FAM210A: variants seen among roughly 807,000 people sequenced by gnomAD.
FAM210A encodes family with sequence similarity 210 member A.
A neutral mutation model predicts 25.3 loss-of-function variants in FAM210A; 13 were observed. That is an observed-to-expected ratio of 0.51 (90% CI 0.33 to 0.82). The LOEUF (loss-of-function observed/expected upper bound fraction) is 0.82. Among genes scored for constraint, FAM210A ranks in the 40% least tolerant of loss-of-function variants. The pLI is 0.02. For synonymous variants in FAM210A, 125 were observed against 118.7 expected (o/e 1.05, Z -0.35); for missense variants, 319 against 323.2 (o/e 0.99, Z 0.10).
rs530128263 is a variant in FAM210A at position 13,694,084 on chromosome 18, G to C, written c.-28-11979C>G. ...CAAGCATTCCTATACACCAATAACA[G>C]ACAAACAGAATGCCAAATCATGAGT... is the stretch of plus-strand genomic sequence containing the variant. On this transcript the variant is annotated intron_variant, in intron 1 of 3. Transcript: ENST00000651643. 2.1e-4 allele frequency among the ~76,000 whole-genome samples: 32 copies of C among 152,286 alleles called. 1 individual carries two copies. The highest frequency in any genetic ancestry group is 1.2e-3 in the South Asian group (6 of 4,824).
chr18:13,702,945 C>T (rs2043752373), intron 1 of FAM210A, among the ~76,000 whole-genome samples: 1 of 151,990 alleles, frequency 6.6e-6, no homozygotes. Flanking sequence ...TTTAAAAGGA[C>T]TTTTTTAAAA....
intron 1 of FAM210A, among the ~76,000 whole-genome samples, chr18:13,695,613 G>C (rs555505652): frequency 7.9e-5 from 12 of 151,282 alleles, no homozygotes; most frequent in African/African-American, 2.9e-4. Context: ...CTATTGCAAG[G>C]ACAGAAAACC....
At position 13,685,000 on chromosome 18, in the gene FAM210A, G is replaced by A. The variant is rs2043584932; in HGVS notation, c.-28-2895C>T. Among the ~76,000 whole-genome samples the A allele has an allele frequency of 2.6e-5, 4 of 152,016 alleles. 1 individual carries two copies. The South Asian group carries it at 6.2e-4, about 24-fold the overall frequency. On this transcript the variant is annotated intron_variant, in intron 1 of 3. Coordinates refer to ENST00000651643, the MANE Select transcript of FAM210A (RefSeq NM_152352.4). ...CTAAAAAGAAATTTAAAAATATTTT[G>A]AAGTAATTGAAAAAAATACAACTTA...
At chr18:13,671,665 G>A (rs980020612) in intron 3 of FAM210A, among the ~76,000 whole-genome samples, 197 bp downstream of exon 3, 15 of 146,390 alleles carry the variant, frequency 1.0e-4, no homozygotes, top group African/African-American at 3.6e-4. Flanking sequence ...CTCCAGCCTG[G>A]CAAACAAGAG....
At chr18:13,706,300 T>C (rs1222479967) in intron 1 of FAM210A, among the ~76,000 whole-genome samples, 1 of 148,216 alleles carries the variant, frequency 6.7e-6, no homozygotes, top group East Asian at 2.0e-4. Context: ...GAGACTCTTA[T>C]CTTTAAATAC....
At chr18:13,680,572 C>T (rs2043544439) in intron 2 of FAM210A, among the ~76,000 whole-genome samples, 1 of 152,184 alleles carries the variant, frequency 6.6e-6, no homozygotes, top group Non-Finnish European at 1.5e-5. Context: ...GGAAGAGCTA[C>T]TTATAGCTTA....
rs189899328 is a variant in FAM210A, at chr18:13,673,952, C to G, written c.474-1979G>C. On this transcript the variant is annotated intron_variant, in intron 2 of 3. Transcript: ENST00000651643. ...TCCTGATTATTAACATTCCTGAGCC[C>G]CGACTTCTTTATTTCCAGTTTCCTG... 1.7e-3 allele frequency among the ~76,000 whole-genome samples: 126 copies of G among 76,304 alleles called. 26 individuals carry two copies. Among genetic ancestry groups the G allele is most frequent in the African/African-American group, 7.1e-3 (119 of 16,832 alleles). 50.1% of individuals were successfully genotyped at this position (76,304 alleles called of 152,430 possible). A position where few individuals can be genotyped will look rare whatever the true frequency, so the allele number is the denominator to read the frequency against.
At chr18:13,697,886 TAA>T (rs1363944036) in intron 1 of FAM210A, among the ~76,000 whole-genome samples, 23 of 152,158 alleles carry the variant, frequency 1.5e-4, no homozygotes, top group Non-Finnish European at 2.9e-5. Context: ...CATTATTCAG[TAA>T]TGTGCTATTA....
At position 13,678,588 on chromosome 18, in the gene FAM210A, C is replaced by A. The variant is rs1184382942; in HGVS notation, c.473+3017G>T. ...TACAGGCGTGAGCCACTGTGCCCGGCCCCACTTATTTCTAAACTGTTGATG... is the reference window on the plus strand; with the variant it reads ...TACAGGCGTGAGCCACTGTGCCCGGACCCACTTATTTCTAAACTGTTGATG... On this transcript the variant is annotated intron_variant, in intron 2 of 3. Coordinates refer to ENST00000651643, the MANE Select transcript of FAM210A (RefSeq NM_152352.4). 2.6e-5 allele frequency among the ~76,000 whole-genome samples: 4 copies of A among 152,220 alleles called. No individual in the cohort carries two copies. In the South Asian group the frequency reaches 6.2e-4, roughly 24 times the overall value.
intron 1 of FAM210A, among the ~76,000 whole-genome samples, chr18:13,684,646 C>T (rs1351634447): frequency 1.3e-5 from 2 of 152,148 alleles, no homozygotes; most frequent in Admixed American, 6.5e-5. Flanking sequence ...CCTTGATAAA[C>T]CCAGCAGGCA....
At chr18:13,715,838 T>C (rs2149070370) in intron 1 of FAM210A, among the ~76,000 whole-genome samples, 1 of 152,326 alleles carries the variant, frequency 6.6e-6, no homozygotes, top group South Asian at 2.1e-4. Flanking sequence ...GATCCTATAA[T>C]CCCCAACATA....
intron 1 of FAM210A, among the ~76,000 whole-genome samples, chr18:13,699,684 T>G (rs2043723079): frequency 6.6e-6 from 1 of 152,082 alleles, no homozygotes; most frequent in African/African-American, 2.4e-5. Context: ...CAGAAAGACC[T>G]GAGTGCTAAC....
chr18:13,688,568 C>T (rs1437824661), intron 1 of FAM210A, among the ~76,000 whole-genome samples: 1 of 152,256 alleles, frequency 6.6e-6, no homozygotes, highest in East Asian at 1.9e-4. Context: ...CTTCAATCGT[C>T]TGCATGACCT....
intron 1 of FAM210A, among the ~76,000 whole-genome samples, chr18:13,718,816 G>T (rs149970175): frequency 6.6e-6 from 1 of 152,016 alleles, no homozygotes; most frequent in African/African-American, 2.4e-5. Context: ...CAAGTAAATC[G>T]CAATAGAACC....
rs1205146249 is a variant in FAM210A, at chr18:13,663,631, C to T, written c.*2849G>A. 1.3e-5 allele frequency: 2 copies of T among 152,078 alleles called. No homozygotes were observed. Among genetic ancestry groups the T allele is most frequent in the African/African-American group, 4.8e-5 (2 of 41,378 alleles). The allele number at this position is 152,078 out of a possible 1,614,324, so 9.4% of individuals were successfully genotyped here. A position where few individuals can be genotyped will look rare whatever the true frequency, so the allele number is the denominator to read the frequency against. ...ATCTCAGTCCTAGCTCCCTCCCCACCCGGTCAACACACCTCGCATAAATGC... is the reference window on the plus strand; with the variant it reads ...ATCTCAGTCCTAGCTCCCTCCCCACTCGGTCAACACACCTCGCATAAATGC... On this transcript the variant is annotated 3_prime_UTR_variant, in exon 4 of 4. Transcript: ENST00000651643.
At chr18:13,696,209 T>C (rs1476947130) in intron 1 of FAM210A, among the ~76,000 whole-genome samples, 3 of 152,238 alleles carry the variant, frequency 2.0e-5, no homozygotes, top group Admixed American at 2.0e-4. Context: ...GCAAACTGTT[T>C]CTTGTATCAA....
intron 1 of FAM210A, chr18:13,687,853 TC>T (rs1471050732): frequency 6.6e-6 from 1 of 152,190 alleles, no homozygotes; most frequent in African/African-American, 2.4e-5. Context: ...CTCTTTTTCT[TC>T]CTTACGCCCA....
At chr18:13,666,828 T>C (rs2043405233) in intron 3 of FAM210A, 115 bp from the exon 4 acceptor site, 2 of 867,804 alleles carry the variant, frequency 2.3e-6, no homozygotes, top group Middle Eastern at 2.2e-4. Context: ...AATTGCCTCA[T>C]TGTTTCACAA....
At chr18:13,697,717 T>C (rs2043706010) in intron 1 of FAM210A, 1 of 148,224 alleles carries the variant, frequency 6.7e-6, no homozygotes, top group African/African-American at 2.5e-5. Context: ...AACAGTTAAG[T>C]TCTATTCACC....
Sources: allele counts gnomAD v4.1 joint callset (sites outside exome capture counted in the v4.1 genomes callset), GRCh38; gene constraint gnomAD v4.1.1; transcripts MANE v1.5; gene names NCBI Gene and HGNC (gene_info 2026-07-23, HGNC 2026-07-21).